Variants in RGMA observed in about 807,000 individuals in gnomAD.
RGMA encodes the protein repulsive guidance molecule BMP co-receptor a, also known as repulsive guidance molecule A.
In RGMA, 10 loss-of-function variants were observed where a neutral mutation model predicts 23.2. The observed-to-expected ratio is 0.43, with a 90% CI of 0.27 to 0.73. The LOEUF (loss-of-function observed/expected upper bound fraction) is 0.73. Ranked by LOEUF, RGMA falls within the 30% of genes least tolerant of loss-of-function variation. The pLI, the probability that RGMA is intolerant of heterozygous loss-of-function variation, is 0.20. For missense variants in RGMA, 547 were observed against 630.5 expected (o/e 0.87, Z 1.42); for synonymous variants, 308 against 279.3 (o/e 1.10, Z -1.03).
At chr15:93,085,775 G>T (rs1895625889) in intron 1 of RGMA, among the ~76,000 whole-genome samples, 1 of 152,166 alleles carries the variant, frequency 6.6e-6, no homozygotes, top group African/African-American at 2.4e-5. Context: ...CACCTCACTA[G>T]GCATTCTTGC....
At chr15:93,080,064 G>A (rs995584581) in intron 1 of RGMA, among the ~76,000 whole-genome samples, 1 of 151,604 alleles carries the variant, frequency 6.6e-6, no homozygotes, top group Non-Finnish European at 1.5e-5. Flanking sequence ...TAATTACCAA[G>A]AAGAAAAAAC....
chr15:93,037,307 G>C lies in RGMA; in HGVS notation c.*7691C>G, dbSNP rs2054671755. On this transcript the variant is annotated 3_prime_UTR_variant, in exon 4 of 4. Transcript: ENST00000329082. This position sits in a 1 kb window ranked among gnomAD's most constrained non-coding sequence, Gnocchi z 4.3. ...GTGACAGAGCTGGGAGCCTGGATCG[G>C]GTCTGGTTCTGGAGCCCGGGCCCTT... is the stretch of plus-strand genomic sequence containing the variant. 1 of 152,332 alleles carries C rather than the reference G, an allele frequency of 6.6e-6. No individual in the cohort carries two copies. 9.4% of individuals were successfully genotyped at this position (152,332 alleles called of 1,614,324 possible). A position where few individuals can be genotyped will look rare whatever the true frequency, so the allele number is the denominator to read the frequency against.
chr15:93,050,137 G>C (rs990491995), intron 3 of RGMA, among the ~76,000 whole-genome samples: 2 of 152,198 alleles, frequency 1.3e-5, no homozygotes, highest in Non-Finnish European at 2.9e-5. Context: ...TGCTGCCCCA[G>C]CCTCCATCGC....
At chr15:93,082,839 C>T (rs1042937655) in intron 1 of RGMA, among the ~76,000 whole-genome samples, 1 of 152,190 alleles carries the variant, frequency 6.6e-6, no homozygotes, top group African/African-American at 2.4e-5. Context: ...ACTTAGCCTT[C>T]GAATGTGAGT....
In RGMA at chr15:93,052,112, C is replaced by T. The variant is rs371198722; in HGVS notation, c.526G>A (p.Asp176Asn). The T allele has an allele frequency of 9.9e-6, 16 of 1,613,674 alleles. No homozygotes were observed. The highest frequency in any genetic ancestry group is 8.0e-5 in the African/African-American group (6 of 74,940). The change falls in exon 3 of 4, where the codon GAC (aspartate) becomes AAC (asparagine). Residue 176 changes from aspartate to asparagine, a missense_variant. Around this residue, in one of 3 missense-constraint regions of RGMA, gnomAD observed 128 missense variants for 191.7 expected, o/e 0.67. Coordinates refer to ENST00000329082, the MANE Select transcript of RGMA (RefSeq NM_020211.3). The stretch of plus-strand genomic sequence containing the variant: ...TGCACCTTGCAGGTCTGGAAGCGGT[C>T]GGTGAAAGTCCTGAGGTGTGGGTCC... ...FGDPHLRTFT[D>N]RFQTCKVQGA...
At chr15:93,054,974 C>A (rs969637156) in intron 2 of RGMA, among the ~76,000 whole-genome samples, 2 of 152,054 alleles carry the variant, frequency 1.3e-5, no homozygotes, top group Non-Finnish European at 2.9e-5. Context: ...GTGGTGGGGG[C>A]GTGTATGGGG....
Position 93,043,228 on chromosome 15 carries a change from A to AGG in RGMA, c.*1769_*1770insCC. On this transcript the variant is annotated 3_prime_UTR_variant, in exon 4 of 4. Transcript: ENST00000329082. Reference sequence around the variant, plus strand: ...TGGGCGCACACACAGGCATGCGCACACATGCGTACATGCACGCACACAGGC... The same window carrying AGG: ...TGGGCGCACACACAGGCATGCGCACAGGCATGCGTACATGCACGCACACAGGC... 1 of 151,704 alleles carries AGG rather than the reference A, an allele frequency of 6.6e-6. No individual in the cohort carries two copies. The highest frequency in any genetic ancestry group is 2.4e-5 in the African/African-American group (1 of 41,192). The allele number at this position is 151,704 out of a possible 1,614,324, so 9.4% of individuals were successfully genotyped here.
intron 2 of RGMA, chr15:93,065,917 C>A (rs572351523): frequency 2.8e-6 from 2 of 723,860 alleles, no homozygotes; most frequent in Admixed American, 1.9e-5. Context: ...GCTGGGGGGC[C>A]GAGGGACTCG....
intron 1 of RGMA, chr15:93,073,269 C>T (rs1895400464): frequency 4.2e-6 from 4 of 942,650 alleles, no homozygotes; most frequent in Non-Finnish European, 5.3e-6. Flanking sequence ...CGCCCCCTCG[C>T]GCTCGGGTTT....
chr15:93,046,015 TTAAAAA>T lies in RGMA; in HGVS notation c.646-316_646-311del, dbSNP rs1237339817. Among the ~76,000 whole-genome samples the T allele has an allele frequency of 3.3e-5, 5 of 152,208 alleles. No individual in the cohort carries two copies. The East Asian group carries it at 7.7e-4, about 23-fold the overall frequency. On this transcript the variant is annotated intron_variant, in intron 3 of 3. Coordinates refer to ENST00000329082, the MANE Select transcript of RGMA (RefSeq NM_020211.3). ...ACCAGAAAAATAAAAGCATAGATAA[TTAAAAA>T]TAAAAGGTCAAAAGCCCAGTGTGGT...
At position 93,035,655 on chromosome 15, in the gene RGMA, CA is replaced by C. The variant is rs2054652672; in HGVS notation, c.*9342del. 1 of 152,220 alleles carries C rather than the reference CA, an allele frequency of 6.6e-6. No individual in the cohort carries two copies. Among genetic ancestry groups the C allele is most frequent in the South Asian group, 2.1e-4 (1 of 4,834 alleles). 9.4% of individuals were successfully genotyped at this position (152,220 alleles called of 1,614,324 possible). A position where few individuals can be genotyped will look rare whatever the true frequency, so the allele number is the denominator to read the frequency against. Reference sequence around the variant, plus strand: ...CAATCCAGAGACAAACACGGAAGCCCAAAGCCCAGGCCTAACTGGAAGGCTC... The same window carrying C: ...CAATCCAGAGACAAACACGGAAGCCCAAGCCCAGGCCTAACTGGAAGGCTC... On this transcript the variant is annotated 3_prime_UTR_variant, in exon 4 of 4. Transcript: ENST00000329082.
chr15:93,052,745 A>T (rs958915239), intron 2 of RGMA, among the ~76,000 whole-genome samples: 5 of 106,298 alleles, frequency 4.7e-5, no homozygotes, highest in African/African-American at 1.3e-4. Context: ...GCTAGTGGGG[A>T]TCCTCCCACA....
chr15:93,046,061 C>T (rs72767203), intron 3 of RGMA, among the ~76,000 whole-genome samples: 15,523 of 152,200 alleles, frequency 0.1, 895 homozygotes, highest in Middle Eastern at 0.2. Context: ...TGAATAATGG[C>T]TCCCAAGAAG....
In RGMA at chr15:93,052,254, C is replaced by T. The variant is rs1171718224; in HGVS notation, c.384G>A (p.Thr128=). Residue 128 remains threonine, a synonymous_variant, in exon 3 of 4, where the codon ACG becomes ACA. Coordinates refer to ENST00000329082, the MANE Select transcript of RGMA (RefSeq NM_020211.3). ...CCTGGCTGTCTCCGGCCGGTGGGAG[C>T]GTGCGCAGGCGTGGCTGCGAGGTGG... ...DGPTSQPRLR[T]LPPAGDSQER... is the part of the protein sequence containing the mutation. 4.4e-6 allele frequency: 7 copies of T among 1,603,734 alleles called. No homozygotes were observed. Among genetic ancestry groups the T allele is most frequent in the East Asian group, 2.2e-5 (1 of 44,636 alleles).
rs2054750719 is a variant in RGMA at position 93,043,254 on chromosome 15, A to G, written c.*1744T>C. On this transcript the variant is annotated 3_prime_UTR_variant, in exon 4 of 4. Coordinates refer to ENST00000329082, the MANE Select transcript of RGMA (RefSeq NM_020211.3). ...CATGCGTACATGCACGCACACAGGCACGCACACACACAGGCATGCATACAC... is the reference window on the plus strand; with the variant it reads ...CATGCGTACATGCACGCACACAGGCGCGCACACACACAGGCATGCATACAC... 7.2e-6 allele frequency: 1 copy of G among 138,630 alleles called. No individual in the cohort carries two copies. The highest frequency in any genetic ancestry group is 2.0e-4 in the East Asian group (1 of 5,128). The allele number at this position is 138,630 out of a possible 1,614,324, so 8.6% of individuals were successfully genotyped here.
chr15:93,053,278 C>CAA (rs1248116971), intron 2 of RGMA, among the ~76,000 whole-genome samples: 1 of 152,204 alleles, frequency 6.6e-6, no homozygotes, highest in East Asian at 1.9e-4. Context: ...ATGGCTTTAA[C>CAA]ACACCTTATC....
chr15:93,059,917 A>T (rs1298652286), intron 2 of RGMA, among the ~76,000 whole-genome samples: 1 of 152,240 alleles, frequency 6.6e-6, no homozygotes, highest in Non-Finnish European at 1.5e-5. Flanking sequence ...AGAAGGAAGG[A>T]AAGTTTGAGC....
intron 3 of RGMA, among the ~76,000 whole-genome samples, chr15:93,047,173 G>A (rs1318499141): frequency 2.0e-5 from 3 of 152,238 alleles, no homozygotes; most frequent in African/African-American, 7.2e-5. Flanking sequence ...GAGAGGAGGA[G>A]GGCCGGTGGC....
At chr15:93,055,613 G>A (rs1031528138) in intron 2 of RGMA, among the ~76,000 whole-genome samples, 5 of 152,220 alleles carry the variant, frequency 3.3e-5, no homozygotes, top group African/African-American at 4.8e-5. Context: ...TAGCACACCC[G>A]ATTCCCTCCC....
Sources: allele counts gnomAD v4.1 joint callset (sites outside exome capture counted in the v4.1 genomes callset), GRCh38; gene constraint gnomAD v4.1.1; regional missense constraint gnomAD v4.1.1; non-coding constraint Gnocchi (gnomAD v3.1); transcripts MANE v1.5; gene names NCBI Gene and HGNC (gene_info 2026-07-23, HGNC 2026-07-21).